Variants in PALM2AKAP2 observed in about 807,000 individuals in gnomAD.
PALM2AKAP2 encodes PALM2-AKAP2 fusion protein.
In PALM2AKAP2, 37 loss-of-function variants were observed where a neutral mutation model predicts 71.5. That is an observed-to-expected ratio of 0.52 (90% CI 0.40 to 0.68). The LOEUF (loss-of-function observed/expected upper bound fraction) is 0.68. Ranked by LOEUF, PALM2AKAP2 falls within the 30% of genes least tolerant of loss-of-function variation. The probability of loss-of-function intolerance (pLI) is 0.00; values close to 1 mark genes in which losing one functional copy is unlikely to be tolerated. For synonymous variants in PALM2AKAP2, 468 were observed against 478.8 expected, an observed-to-expected ratio of 0.98 and a Z score of 0.29; for missense variants, 1,224 against 1,191.8, an observed-to-expected ratio of 1.03 and a Z score of -0.40.
intron 6 of PALM2AKAP2, among the ~76,000 whole-genome samples, chr9:109,977,815 C>G (rs554174291): frequency 1.3e-5 from 2 of 152,282 alleles, no homozygotes; most frequent in South Asian, 4.2e-4. Context: ...AGGCTCCAAA[C>G]AGCTTCCTTT....
At chr9:109,669,224 C>G (rs960938897) in intron 1 of PALM2AKAP2, among the ~76,000 whole-genome samples, 2 of 151,608 alleles carry the variant, frequency 1.3e-5, no homozygotes, top group African/African-American at 4.8e-5. Context: ...TCAGAATGTT[C>G]TCATTTATTC....
chr9:110,053,904 C>G (rs1249827725), intron 1 of PALM2AKAP2, among the ~76,000 whole-genome samples: 1 of 152,146 alleles, frequency 6.6e-6, no homozygotes, highest in African/African-American at 2.4e-5. Flanking sequence ...CTTCTTTTTT[C>G]TTAGATATGG....
At chr9:109,676,831 A>T (rs1827654804) in intron 1 of PALM2AKAP2, among the ~76,000 whole-genome samples, 1 of 152,234 alleles carries the variant, frequency 6.6e-6, no homozygotes, top group Admixed American at 6.5e-5. Context: ...AATGCTTCAG[A>T]TTAAGTAGGT....
At chr9:109,885,183 T>G (rs932932471) in intron 3 of PALM2AKAP2, among the ~76,000 whole-genome samples, 2 of 152,172 alleles carry the variant, frequency 1.3e-5, no homozygotes, top group African/African-American at 4.8e-5. Context: ...TACAGACATG[T>G]TTTTTTCCAA....
chr9:109,887,649 GAGAGA>G (rs2131796205), intron 3 of PALM2AKAP2, among the ~76,000 whole-genome samples: 1 of 151,810 alleles, frequency 6.6e-6, no homozygotes, highest in Non-Finnish European at 1.5e-5. Context: ...TGATGATGAA[GAGAGA>G]AGAGAAGCAC....
At chr9:110,059,538 G>A (rs1423829840) in intron 1 of PALM2AKAP2, among the ~76,000 whole-genome samples, 1 of 152,090 alleles carries the variant, frequency 6.6e-6, no homozygotes, top group Non-Finnish European at 1.5e-5. Flanking sequence ...AAATCTTTTT[G>A]CAATTTCTAT....
At chr9:109,852,849 A>G (rs917921788) in intron 1 of PALM2AKAP2, among the ~76,000 whole-genome samples, 1 of 152,064 alleles carries the variant, frequency 6.6e-6, no homozygotes, top group African/African-American at 2.4e-5. Flanking sequence ...GTGTCTGTTC[A>G]TGTCCCTTGC....
intron 6 of PALM2AKAP2, among the ~76,000 whole-genome samples, chr9:109,983,208 A>G (rs67009122): frequency 0.16 from 24,145 of 152,186 alleles, 2,230 homozygotes; most frequent in East Asian, 0.38. Flanking sequence ...GGCTAGCCTG[A>G]AAACCTAAAT....
At chr9:109,795,419 A>G (rs1827224918) in intron 1 of PALM2AKAP2, among the ~76,000 whole-genome samples, 1 of 152,214 alleles carries the variant, frequency 6.6e-6, no homozygotes, top group Non-Finnish European at 1.5e-5. Flanking sequence ...CCCTCACGAC[A>G]ATATTGATTT....
chr9:109,880,712 C>CTA, intron 3 of PALM2AKAP2, 31 bp downstream of exon 3: 1 of 1,610,942 alleles, frequency 6.2e-7, no homozygotes, highest in Non-Finnish European at 8.5e-7. Flanking sequence ...GGAACCCATG[C>CTA]TACAGTTTTT....
intron 7 of PALM2AKAP2, among the ~76,000 whole-genome samples, chr9:110,035,342 T>TATATATATTATATGTATAATACATATA (rs1833369487): frequency 1.3e-5 from 1 of 75,704 alleles, no homozygotes; most frequent in African/African-American, 8.2e-5. Context: ...TAATACATAT[T>TATATATATTATATGTATAATACATATA]ATATATATTA....
intron 1 of PALM2AKAP2, among the ~76,000 whole-genome samples, chr9:110,103,624 G>A (rs576601550): frequency 9.5e-4 from 145 of 152,300 alleles, no homozygotes; most frequent in Non-Finnish European, 1.3e-3. Context: ...GAATTAAAAC[G>A]TAGAGTATGG....
chr9:109,903,844 C>T (rs1407359554), intron 3 of PALM2AKAP2, among the ~76,000 whole-genome samples: 1 of 150,216 alleles, frequency 6.7e-6, no homozygotes, highest in Non-Finnish European at 1.5e-5. Flanking sequence ...ACAATCTTAA[C>T]TTTTACCATC....
chr9:109,834,643 C>T (rs1183779636), intron 1 of PALM2AKAP2, among the ~76,000 whole-genome samples: 1 of 151,532 alleles, frequency 6.6e-6, no homozygotes, highest in Non-Finnish European at 1.5e-5. Flanking sequence ...CTGAGCTCAC[C>T]ACACTGGGAA....
intron 3 of PALM2AKAP2, among the ~76,000 whole-genome samples, chr9:109,894,795 T>A (rs115352653): frequency 3.3e-3 from 496 of 152,238 alleles, no homozygotes; most frequent in African/African-American, 0.011. Context: ...ATAGTTTTTT[T>A]AAGAGAGACA....
intron 1 of PALM2AKAP2, among the ~76,000 whole-genome samples, chr9:110,116,050 T>C (rs1835354243): frequency 6.6e-6 from 1 of 152,204 alleles, no homozygotes; most frequent in Non-Finnish European, 1.5e-5. Flanking sequence ...AGACCTGTTC[T>C]GTTCCCTGGA....
chr9:109,889,330 T>C (rs910666532), intron 3 of PALM2AKAP2, among the ~76,000 whole-genome samples: 1 of 152,238 alleles, frequency 6.6e-6, no homozygotes, highest in African/African-American at 2.4e-5. Context: ...TCAACTCCTA[T>C]CTGATTCTTG....
At chr9:110,127,626 C>A (rs74746228) in intron 1 of PALM2AKAP2, 2 of 152,266 alleles carry the variant, frequency 1.3e-5, no homozygotes, top group African/African-American at 4.8e-5. Context: ...CCCAGACTTT[C>A]CTGCTGTCAG....
intron 1 of PALM2AKAP2, among the ~76,000 whole-genome samples, chr9:109,839,669 C>A (rs565517690): frequency 1.3e-5 from 2 of 152,338 alleles, no homozygotes; most frequent in African/African-American, 2.4e-5. Flanking sequence ...GCAACTTCAG[C>A]AAAGTCTCAG....
Sources: allele counts gnomAD v4.1 joint callset (sites outside exome capture counted in the v4.1 genomes callset), GRCh38; gene constraint gnomAD v4.1.1; transcripts MANE v1.5; gene names NCBI Gene and HGNC (gene_info 2026-07-23, HGNC 2026-07-21).